YME1L1: variants seen among roughly 807,000 people sequenced by gnomAD.
YME1L1 encodes the protein ATP-dependent zinc metalloprotease YME1L1.
YME1L1 carries 39 observed loss-of-function variants against 90.4 expected under a neutral mutation model. The observed-to-expected ratio is 0.43, with a 90% confidence interval of 0.33 to 0.56. YME1L1 has a LOEUF of 0.56. Among genes scored for constraint, YME1L1 ranks in the 20% least tolerant of loss-of-function variants. The pLI is 0.03. For missense variants in YME1L1, 617 were observed against 868.4 expected, an observed-to-expected ratio of 0.71 and a Z score of 3.64; for synonymous variants, 284 against 287.3, an observed-to-expected ratio of 0.99 and a Z score of 0.12.
intron 9 of YME1L1, among the ~76,000 whole-genome samples, chr10:27,125,458 G>GAAAAAAAAAAAAA (rs68143135): frequency 2.4e-4 from 26 of 107,670 alleles, no homozygotes; most frequent in East Asian, 1.8e-3. Context: ...TGTTTCATTT[G>GAAAAAAAAAAAAA]AAAAAAAAAA....
chr10:27,152,842 C>A (rs2057238667), intron 1 of YME1L1, among the ~76,000 whole-genome samples: 1 of 152,148 alleles, frequency 6.6e-6, no homozygotes, highest in South Asian at 2.1e-4. Flanking sequence ...TAGCTGATAA[C>A]ATCTTCCACT....
At chr10:27,120,335 G>T in intron 13 of YME1L1, 100 bp downstream of exon 13, 1 of 759,858 alleles carries the variant, frequency 1.3e-6, no homozygotes, top group Non-Finnish European at 2.1e-6. Context: ...AAATGAACTG[G>T]TCTTTTAATG....
intron 17 of YME1L1, among the ~76,000 whole-genome samples, chr10:27,115,367 G>C (rs537919786): frequency 6.6e-6 from 1 of 151,088 alleles, no homozygotes; most frequent in African/African-American, 2.4e-5. Flanking sequence ...TGTCACCCAG[G>C]GTAGAGTGCA....
At chr10:27,141,932 CA>C (rs1207310396) in intron 4 of YME1L1, among the ~76,000 whole-genome samples, 1 of 152,136 alleles carries the variant, frequency 6.6e-6, no homozygotes, top group Non-Finnish European at 1.5e-5. Context: ...GCCTTGTATT[CA>C]AAAATTATAT....
intron 4 of YME1L1, among the ~76,000 whole-genome samples, chr10:27,140,671 G>A (rs946416083): frequency 1.3e-5 from 2 of 151,982 alleles, no homozygotes; most frequent in Admixed American, 6.6e-5. Flanking sequence ...TAGAGATGGG[G>A]TTTCACTATG....
At position 27,145,870 on chromosome 10, in the gene YME1L1, T is replaced by A. The variant is rs1161842113; in HGVS notation, c.169-280A>T. The A allele has an allele frequency of 1.1e-4, 21 of 196,306 alleles. No homozygotes were observed. The East Asian group carries it at 1.6e-3, about 15-fold the overall frequency. The allele number at this position is 196,306 out of a possible 1,614,324, so 12.2% of individuals were successfully genotyped here. The stretch of plus-strand genomic sequence containing the variant: ...GAATGAGAAAAACTTTTTTTTTTTT[T>A]AAATCAAACCCAAACCACTACTGTC... On this transcript the variant is annotated intron_variant, in intron 2 of 18. Coordinates refer to ENST00000376016, the MANE Select transcript of YME1L1 (RefSeq NM_014263.4).
chr10:27,113,231 A>C (rs1409007308), intron 18 of YME1L1, among the ~76,000 whole-genome samples: 1 of 13,034 alleles, frequency 7.7e-5, no homozygotes, highest in Non-Finnish European at 1.5e-4. Flanking sequence ...AAAAAAAAAA[A>C]AAAAAAAAAA....
chr10:27,149,487 A>T (rs1041699369), intron 1 of YME1L1, among the ~76,000 whole-genome samples: 4 of 152,046 alleles, frequency 2.6e-5, no homozygotes, highest in African/African-American at 7.2e-5. Context: ...AGGTGGGTGG[A>T]TCACTTGAGG....
Position 27,122,972 on chromosome 10 carries a change from C to G in YME1L1, c.1104G>C (p.Arg368Ser). Residue 368 changes from arginine to serine, a missense_variant and splice_region_variant, in exon 11 of 19, where the codon AGG becomes AGC. This residue lies in a region of YME1L1 where 93 missense variants were observed against 184.8 expected (regional missense o/e 0.50). Coordinates refer to ENST00000376016, the MANE Select transcript of YME1L1 (RefSeq NM_014263.4). ...VGASRIRNLF[R>S]EAKANAPCVI... ...CACAAGGAGCATTCGCCTTTGCTTCCCCTAAGAAAACAAAAAACATTCAAA... is the reference window on the plus strand; with the variant it reads ...CACAAGGAGCATTCGCCTTTGCTTCGCCTAAGAAAACAAAAAACATTCAAA... 1 of 1,605,840 alleles carries G rather than the reference C, an allele frequency of 6.2e-7. No homozygotes were observed. Among genetic ancestry groups the G allele is most frequent in the Non-Finnish European group, 8.5e-7 (1 of 1,177,758 alleles).
Position 27,118,109 on chromosome 10 carries a change from G to C in YME1L1, c.1568-382C>G, listed in dbSNP as rs149310734. Among the ~76,000 whole-genome samples, 697 of 152,218 alleles carry C rather than the reference G, an allele frequency of 4.6e-3. 3 individuals are homozygous for C. Among genetic ancestry groups the C allele is most frequent in the Non-Finnish European group, 6.9e-3 (471 of 68,016 alleles). ...CCACCCCTTCAGTGGATACTGAGAG[G>C]TGAATGTATCTGATATGGGATTAAT... is the stretch of plus-strand genomic sequence containing the variant. On this transcript the variant is annotated intron_variant, in intron 14 of 18. Coordinates refer to ENST00000376016, the MANE Select transcript of YME1L1 (RefSeq NM_014263.4).
At chr10:27,112,666 C>T (rs976978601) in intron 18 of YME1L1, among the ~76,000 whole-genome samples, 1 of 152,132 alleles carries the variant, frequency 6.6e-6, no homozygotes, top group Non-Finnish European at 1.5e-5. Context: ...CAAACATAGT[C>T]CTTACTCACT....
chr10:27,128,211 A>G (rs1038054768), intron 8 of YME1L1, among the ~76,000 whole-genome samples: 2 of 152,220 alleles, frequency 1.3e-5, no homozygotes, highest in African/African-American at 4.8e-5. Flanking sequence ...TGACATTCCT[A>G]TACAAGCTCT....
intron 12 of YME1L1, among the ~76,000 whole-genome samples, chr10:27,120,780 C>T (rs1354502614): frequency 6.6e-6 from 1 of 152,146 alleles, no homozygotes; most frequent in Non-Finnish European, 1.5e-5. Context: ...AGGTAGCCTA[C>T]CCCTCAGAAA....
chr10:27,139,353 C>T (rs778609954), intron 4 of YME1L1, among the ~76,000 whole-genome samples: 3 of 151,974 alleles, frequency 2.0e-5, no homozygotes, highest in Non-Finnish European at 4.4e-5. Flanking sequence ...GATACCACGA[C>T]GGGCTAATTT....
intron 4 of YME1L1, 24 bp from the exon 5 acceptor site, chr10:27,136,409 T>C (rs1195437983): frequency 1.9e-6 from 3 of 1,572,572 alleles, no homozygotes; most frequent in Admixed American, 1.7e-5. Context: ...TACCATTCAC[T>C]GTCACTATAA....
chr10:27,153,815 G>C (rs959148087), intron 1 of YME1L1, among the ~76,000 whole-genome samples: 2 of 152,170 alleles, frequency 1.3e-5, no homozygotes, highest in African/African-American at 4.8e-5. Context: ...GGAAAAAAGG[G>C]AACATTACCT....
chr10:27,130,538 C>CTGGTT (rs2056965369), intron 8 of YME1L1, among the ~76,000 whole-genome samples: 1 of 152,194 alleles, frequency 6.6e-6, no homozygotes, highest in Non-Finnish European at 1.5e-5. Context: ...CTTTGTCCCC[C>CTGGTT]AGATCTGCTC....
rs373568435 is a variant in YME1L1 at position 27,126,512 on chromosome 10, C to G, written c.949+184G>C. ...CTTTAAATTTGAAAGTATATAAAAA[C>G]TTGCAGTTACCAAAAAAAAAAGGCT... On this transcript the variant is annotated intron_variant, in intron 9 of 18. Coordinates refer to ENST00000376016, the MANE Select transcript of YME1L1 (RefSeq NM_014263.4). Among the ~76,000 whole-genome samples, 3 of 151,276 alleles carry G rather than the reference C, an allele frequency of 2.0e-5. No homozygotes were observed. In the East Asian group the frequency reaches 5.8e-4, roughly 29 times the overall value.
intron 7 of YME1L1, among the ~76,000 whole-genome samples, chr10:27,132,680 A>G (rs569563375): frequency 3.9e-4 from 59 of 151,648 alleles, no homozygotes; most frequent in Non-Finnish European, 6.8e-4. Flanking sequence ...TTAGCTGGGC[A>G]TGGTGGCGCA....
Sources: allele counts gnomAD v4.1 joint callset (sites outside exome capture counted in the v4.1 genomes callset), GRCh38; gene constraint gnomAD v4.1.1; regional missense constraint gnomAD v4.1.1; transcripts MANE v1.5; gene names NCBI Gene and HGNC (gene_info 2026-07-23, HGNC 2026-07-21).